The following UBA52 variants were observed in gnomAD, a reference collection of about 807,000 sequenced individuals.
UBA52 encodes ubiquitin-ribosomal protein eL40 fusion protein.
Under a neutral mutation model 15.3 loss-of-function variants are expected in UBA52, and 1 was observed. The ratio of observed to expected loss-of-function variants is 0.07; its 90% CI spans 0.02 to 0.31. The LOEUF (loss-of-function observed/expected upper bound fraction) is 0.31. Ranked by LOEUF, UBA52 falls within the 10% of genes least tolerant of loss-of-function variation. The pLI is 1.00. For missense variants in UBA52, 87 were observed against 168.0 expected (o/e 0.52, Z 2.66); for synonymous variants, 50 against 58.3 (o/e 0.86, Z 0.65).
At chr19:18,575,012 C>T (rs762400301) in intron 4 of UBA52, 40 bp downstream of exon 4, 19 of 1,614,054 alleles carry the variant, frequency 1.2e-5, no homozygotes, top group Middle Eastern at 1.6e-4. Context: ...TGGGGGCTGC[C>T]GGAGTCGGGG....
upstream of UBA52, chr19:18,569,255 A>T (rs1286717661): frequency 6.5e-6 from 1 of 152,940 alleles, no homozygotes; most frequent in Non-Finnish European, 1.5e-5. Context: ...GCCTCTCTGA[A>T]GGCCTCCATG....
At chr19:18,566,123 GC>G in the UBA52 span, among the ~76,000 whole-genome samples, 1 of 151,900 alleles carries the variant, frequency 6.6e-6, no homozygotes, top group African/African-American at 2.4e-5. Context: ...GAGCCATCAT[GC>G]CCAGCCTTGC....
At chr19:18,566,904 G>A (rs1205700864), upstream of UBA52, among the ~76,000 whole-genome samples, 1 of 152,238 alleles carries the variant, frequency 6.6e-6, no homozygotes, top group Non-Finnish European at 1.5e-5. Flanking sequence ...AACTAGTTGG[G>A]GGTTGGTGCC....
chr19:18,568,762 C>A, upstream of UBA52: 1 of 671,924 alleles, frequency 1.5e-6, no homozygotes, highest in Admixed American at 2.8e-5. Flanking sequence ...CCTAGGGGGA[C>A]AAGGCTCTCT....
upstream of UBA52, chr19:18,568,319 G>A (rs1482409686): frequency 1.1e-5 from 11 of 999,920 alleles, no homozygotes; most frequent in Middle Eastern, 2.1e-4. Flanking sequence ...GAGGGCAGCC[G>A]TTAGGGGTCA....
At chr19:18,568,283 A>AAT, upstream of UBA52, 1 of 665,898 alleles carries the variant, frequency 1.5e-6, no homozygotes, top group Non-Finnish European at 2.6e-6. Flanking sequence ...AAAAAAAAAA[A>AAT]GGGTCAAGTC....
rs1267138722 is a variant in UBA52, at chr19:18,575,819, T to TTACTACAACCTCTGCC, written c.*671_*686dup. ...TGGAGTGCAGTGGCGCAGTCTCGGC[T>TTACTACAACCTCTGCC]TACTACAACCTCTGCCTCCGGGGTT... On this transcript the variant is annotated 3_prime_UTR_variant, in exon 5 of 5. Transcript: ENST00000442744. 6.5e-6 allele frequency: 1 copy of TTACTACAACCTCTGCC among 153,198 alleles called. No homozygotes were observed. The allele number at this position is 153,198 out of a possible 1,614,324, so 9.5% of individuals were successfully genotyped here.
chr19:18,575,924 T>C lies in UBA52; in HGVS notation c.*774T>C, dbSNP rs1975763838. 1 of 152,178 alleles carries C rather than the reference T, an allele frequency of 6.6e-6. No homozygotes were observed. The highest frequency in any genetic ancestry group is 2.4e-5 in the African/African-American group (1 of 41,362). The allele number at this position is 152,178 out of a possible 1,614,324, so 9.4% of individuals were successfully genotyped here. A position where few individuals can be genotyped will look rare whatever the true frequency, so the allele number is the denominator to read the frequency against. On this transcript the variant is annotated 3_prime_UTR_variant, in exon 5 of 5. Coordinates refer to ENST00000442744, the MANE Select transcript of UBA52 (RefSeq NM_001033930.3). The stretch of plus-strand genomic sequence containing the variant: ...ACAACTCCTGGCTAATTTTTTGTAT[T>C]TTTAGTAGAGACGGGGTTTCACTGG...
intron 1 of UBA52, chr19:18,572,885 G>A (rs117586381): frequency 0.013 from 14,403 of 1,082,212 alleles, 124 homozygotes; most frequent in Non-Finnish European, 0.015. Flanking sequence ...AGCCTGTGCA[G>A]ATCAGGACCT....
At chr19:18,567,354 G>T, upstream of UBA52, 1 of 664,038 alleles carries the variant, frequency 1.5e-6, no homozygotes, top group Non-Finnish European at 2.7e-6. Flanking sequence ...GTCAGCAGCT[G>T]GCAGAGTGGG....
At chr19:18,567,030 G>A (rs572832207), upstream of UBA52, 101 of 1,015,248 alleles carry the variant, frequency 9.9e-5, no homozygotes, top group Non-Finnish European at 1.3e-4. Context: ...TCTCACTCCC[G>A]TCTCCCCTTG....
chr19:18,568,297 C>A, upstream of UBA52: 2 of 761,678 alleles, frequency 2.6e-6, no homozygotes, highest in Non-Finnish European at 4.4e-6. Context: ...TCAAGTCATA[C>A]CCCCATGGGG....
chr19:18,567,317 G>T (rs1335137984), upstream of UBA52: 1 of 855,806 alleles, frequency 1.2e-6, no homozygotes. Flanking sequence ...TGGGGTGGGG[G>T]CAGGGTCAGG....
chr19:18,571,123 C>T (rs1024449301), upstream of UBA52, among the ~76,000 whole-genome samples: 8 of 150,282 alleles, frequency 5.3e-5, no homozygotes, highest in East Asian at 1.6e-3. Flanking sequence ...CCAGCCTGAC[C>T]AACATGGAGA....
rs41293573 is a variant in UBA52, at chr19:18,574,992, T to TG, written c.293+26dup. On this transcript the variant is annotated intron_variant, in intron 4 of 4. Coordinates refer to ENST00000442744, the MANE Select transcript of UBA52 (RefSeq NM_001033930.3). ...CCGCAAGTATGTGTGCTCCGATGCT[T>TG]GGGGGGCTGTGGGGGCTGCCGGAGT... The TG allele has an allele frequency of 1.4e-3, 2,251 of 1,614,160 alleles. 26 individuals carry two copies. In the African/African-American group the frequency reaches 0.025, roughly 18 times the overall value.
At chr19:18,572,937 GATCTAGC>G (rs1193290015) in intron 1 of UBA52, 1 of 1,117,284 alleles carries the variant, frequency 9.0e-7, no homozygotes, top group Non-Finnish European at 1.1e-6. Flanking sequence ...AGGGAAGATG[GATCTAGC>G]AAGATGATGC....
intron 3 of UBA52, 153 bp downstream of exon 3, chr19:18,573,901 G>C (rs762734271): frequency 1.9e-5 from 14 of 720,268 alleles, no homozygotes; most frequent in Non-Finnish European, 3.1e-5. Context: ...CTGTAATCCC[G>C]GCACTTTGGG....
the UBA52 span, among the ~76,000 whole-genome samples, chr19:18,566,383 G>T: frequency 6.6e-6 from 1 of 150,868 alleles, no homozygotes; most frequent in Non-Finnish European, 1.5e-5. Flanking sequence ...CAGGAGAATG[G>T]CATGAACCCA....
chr19:18,567,310 G>A, upstream of UBA52: 1 of 905,846 alleles, frequency 1.1e-6, no homozygotes, highest in Non-Finnish European at 1.8e-6. Flanking sequence ...GGAAACCTGG[G>A]GTGGGGGCAG....
Sources: gnomAD v4.1 joint callset for allele counts (sites outside exome capture counted in the v4.1 genomes callset) on GRCh38, gnomAD v4.1.1 for gene constraint, MANE v1.5 for transcripts, NCBI Gene and HGNC (gene_info 2026-07-23, HGNC 2026-07-21) for gene names.